COX7B2: variants seen among roughly 807,000 people sequenced by gnomAD.
The protein encoded by COX7B2 is cytochrome c oxidase subunit 7B2.
For missense variants in COX7B2, 109 were observed against 95.9 expected, an observed-to-expected ratio of 1.14 and a Z score of -0.57; for synonymous variants, 37 against 32.1, an observed-to-expected ratio of 1.15 and a Z score of -0.51.
intron 1 of COX7B2, among the ~76,000 whole-genome samples, chr4:46,881,281 C>T (rs928779054): frequency 6.6e-6 from 1 of 152,136 alleles, no homozygotes; most frequent in Non-Finnish European, 1.5e-5. Context: ...AAGAAGTACA[C>T]TGGTTCAGTC....
chr4:46,866,572 C>G, intron 1 of COX7B2, among the ~76,000 whole-genome samples: 1 of 152,050 alleles, frequency 6.6e-6, no homozygotes, highest in East Asian at 1.9e-4. Context: ...CCCAATAATA[C>G]CAAAAATAAA....
chr4:46,847,256 G>A (rs947166668), intron 1 of COX7B2, among the ~76,000 whole-genome samples: 4 of 151,990 alleles, frequency 2.6e-5, no homozygotes, highest in South Asian at 2.1e-4. Context: ...AATATGTGAC[G>A]GTGAGATGTA....
At chr4:46,842,789 T>A (rs2109759078) in intron 2 of COX7B2, among the ~76,000 whole-genome samples, 1 of 152,234 alleles carries the variant, frequency 6.6e-6, no homozygotes, top group South Asian at 2.1e-4. Flanking sequence ...ATTTTCTTAA[T>A]CCAGTCTATC....
chr4:46,789,305 A>G (rs1161645295), intron 2 of COX7B2, among the ~76,000 whole-genome samples: 1 of 152,152 alleles, frequency 6.6e-6, no homozygotes, highest in Non-Finnish European at 1.5e-5. Flanking sequence ...AACAAGTAAA[A>G]CAAGTCTATG....
intron 2 of COX7B2, among the ~76,000 whole-genome samples, chr4:46,813,228 C>G (rs767893957): frequency 6.6e-6 from 1 of 152,050 alleles, no homozygotes; most frequent in Non-Finnish European, 1.5e-5. Flanking sequence ...ATCTATTTAC[C>G]AAATTTTCTT....
In COX7B2 at chr4:46,734,855, T is replaced by C. The variant is rs933857579; in HGVS notation, c.*92A>G. ...TTAAAGATTTAAAACACATTTTATTTTTTCAATTGTGCTATATTTTAATAA... is the reference window on the plus strand; with the variant it reads ...TTAAAGATTTAAAACACATTTTATTCTTTCAATTGTGCTATATTTTAATAA... On this transcript the variant is annotated 3_prime_UTR_variant, in exon 3 of 3. Transcript: ENST00000355591. 6 of 1,421,806 alleles carry C rather than the reference T, an allele frequency of 4.2e-6. No homozygotes were observed. The African/African-American group carries it at 5.7e-5, about 14-fold the overall frequency. 88.1% of individuals were successfully genotyped at this position (1,421,806 alleles called of 1,614,324 possible). A position where few individuals can be genotyped will look rare whatever the true frequency, so the allele number is the denominator to read the frequency against.
chr4:46,741,530 A>G (rs1714710047), intron 2 of COX7B2, among the ~76,000 whole-genome samples: 1 of 152,034 alleles, frequency 6.6e-6, no homozygotes, highest in African/African-American at 2.4e-5. Context: ...CTCCGCCATG[A>G]ATGACACCAT....
chr4:46,893,303 T>A (rs967490902), intron 1 of COX7B2, among the ~76,000 whole-genome samples: 1 of 152,184 alleles, frequency 6.6e-6, no homozygotes, highest in Non-Finnish European at 1.5e-5. Context: ...TATAGCATTT[T>A]ACACAAGTGG....
At chr4:46,863,064 T>C (rs2109805048) in intron 1 of COX7B2, among the ~76,000 whole-genome samples, 1 of 152,278 alleles carries the variant, frequency 6.6e-6, no homozygotes, top group African/African-American at 2.4e-5. Context: ...TAGGTTTATA[T>C]AATATGTGCC....
intron 2 of COX7B2, among the ~76,000 whole-genome samples, chr4:46,824,240 CAAAGA>C (rs1714513901): frequency 6.6e-6 from 1 of 152,036 alleles, no homozygotes; most frequent in African/African-American, 2.4e-5. Flanking sequence ...TACAGCTGTA[CAAAGA>C]AAAGTTGATA....
chr4:46,897,481 C>T (rs560325274), intron 1 of COX7B2, among the ~76,000 whole-genome samples: 8 of 152,136 alleles, frequency 5.3e-5, no homozygotes, highest in East Asian at 1.9e-4. Flanking sequence ...TTCCATTCAA[C>T]GGACAGCATT....
intron 2 of COX7B2, among the ~76,000 whole-genome samples, chr4:46,745,042 A>T (rs545402092): frequency 6.6e-6 from 1 of 152,162 alleles, no homozygotes; most frequent in Non-Finnish European, 1.5e-5. Context: ...AGATATTTTA[A>T]TTTTTAAAGA....
intron 1 of COX7B2, among the ~76,000 whole-genome samples, chr4:46,908,905 G>C (rs1166748362): frequency 6.6e-6 from 1 of 152,016 alleles, no homozygotes; most frequent in African/African-American, 2.4e-5. Flanking sequence ...TTAGCCAGGC[G>C]TGGTGGCGGG....
In COX7B2 at chr4:46,754,582, C is replaced by T. The variant is rs906609688; in HGVS notation, c.-49-19341G>A. Among the ~76,000 whole-genome samples the T allele has an allele frequency of 1.4e-4, 20 of 147,994 alleles. 1 individual carries two copies. The highest frequency in any genetic ancestry group is 1.3e-3 in the Admixed American group (20 of 14,830). The stretch of plus-strand genomic sequence containing the variant: ...GGGAGGGATAGCATTAGGAGATATA[C>T]CTAATGCAAATGACCAGTTAATGTG... On this transcript the variant is annotated intron_variant, in intron 2 of 2. Coordinates refer to ENST00000355591, the MANE Select transcript of COX7B2 (RefSeq NM_130902.3).
chr4:46,883,111 A>T (rs1035028800), intron 1 of COX7B2, among the ~76,000 whole-genome samples: 1 of 152,232 alleles, frequency 6.6e-6, no homozygotes, highest in Non-Finnish European at 1.5e-5. Context: ...CCAATTTAAT[A>T]TGTAAGACTG....
intron 2 of COX7B2, among the ~76,000 whole-genome samples, chr4:46,736,807 T>A (rs1316863410): frequency 6.6e-6 from 1 of 152,304 alleles, no homozygotes; most frequent in South Asian, 2.1e-4. Flanking sequence ...TTTTTAGTGC[T>A]AATTAATATT....
intron 2 of COX7B2, among the ~76,000 whole-genome samples, chr4:46,830,317 CTG>C (rs2109722470): frequency 8.8e-6 from 1 of 113,302 alleles, no homozygotes; most frequent in Admixed American, 1.2e-4. Flanking sequence ...GAGCAAGACT[CTG>C]TCTCCAAAAA....
chr4:46,806,129 G>A (rs1376753865), intron 2 of COX7B2, among the ~76,000 whole-genome samples: 1 of 151,994 alleles, frequency 6.6e-6, no homozygotes, highest in African/African-American at 2.4e-5. Context: ...GTTATTGTAT[G>A]TTGCATGGAT....
intron 2 of COX7B2, among the ~76,000 whole-genome samples, chr4:46,815,795 G>T (rs1252526579): frequency 6.6e-6 from 1 of 152,198 alleles, no homozygotes; most frequent in African/African-American, 2.4e-5. Context: ...GAGAAATGTT[G>T]CAGTGTTCTG....
Sources: gnomAD v4.1 joint callset for allele counts (sites outside exome capture counted in the v4.1 genomes callset) on GRCh38, gnomAD v4.1.1 for gene constraint, MANE v1.5 for transcripts, NCBI Gene and HGNC (gene_info 2026-07-23, HGNC 2026-07-21) for gene names.